Variants in MAP4K3 observed in about 807,000 individuals in gnomAD.
The protein encoded by MAP4K3 is MAPK/ERK kinase kinase kinase 3.
In MAP4K3, 94 loss-of-function variants were observed where a neutral mutation model predicts 143.5. The ratio of observed to expected loss-of-function variants is 0.65; its 90% confidence interval spans 0.55 to 0.78. The LOEUF is 0.78. MAP4K3 is among the 30% of genes least tolerant of loss of function. The pLI, the probability that MAP4K3 is intolerant of heterozygous loss-of-function variation, is 0.00. For synonymous variants in MAP4K3, 416 were observed against 347.2 expected (o/e 1.20, Z -2.20); for missense variants, 1,077 against 1,068.1 (o/e 1.01, Z -0.12).
chr2:39,263,296 G>A (rs1466813880), intron 28 of MAP4K3, among the ~76,000 whole-genome samples: 2 of 140,160 alleles, frequency 1.4e-5, no homozygotes, highest in African/African-American at 2.7e-5. Context: ...TTTTTGAGAC[G>A]GAGTCTCGCT....
At chr2:39,311,728 T>G (rs1682943801) in intron 13 of MAP4K3, among the ~76,000 whole-genome samples, 1 of 152,232 alleles carries the variant, frequency 6.6e-6, no homozygotes, top group South Asian at 2.1e-4. Context: ...AGTCAAACAT[T>G]CAGATGACTC....
chr2:39,261,709 T>TA (rs1680575223), intron 28 of MAP4K3, among the ~76,000 whole-genome samples: 1 of 152,024 alleles, frequency 6.6e-6, no homozygotes, highest in African/African-American at 2.4e-5. Flanking sequence ...ATTCACAAAA[T>TA]AAAAAATTAT....
At chr2:39,301,081 C>CATT (rs1682491943) in intron 15 of MAP4K3, among the ~76,000 whole-genome samples, 1 of 151,242 alleles carries the variant, frequency 6.6e-6, no homozygotes, top group Non-Finnish European at 1.5e-5. Flanking sequence ...TTAAGCAATA[C>CATT]ATTACATTTA....
At chr2:39,251,908 TA>T (rs1680168130) in intron 32 of MAP4K3, 23 bp from the exon 33 acceptor site, 1 of 1,583,658 alleles carries the variant, frequency 6.3e-7, no homozygotes, top group Non-Finnish European at 8.7e-7. Flanking sequence ...AACACAAATT[TA>T]ATTTCTGAAA....
chr2:39,276,754 GTTGTT>G (rs1220485404), intron 24 of MAP4K3, among the ~76,000 whole-genome samples: 1 of 152,176 alleles, frequency 6.6e-6, no homozygotes, highest in Non-Finnish European at 1.5e-5. Context: ...CAGTTTGTAG[GTTGTT>G]TTATGTTCCT....
intron 26 of MAP4K3, among the ~76,000 whole-genome samples, chr2:39,271,311 G>A (rs997101884): frequency 6.6e-5 from 10 of 152,018 alleles, no homozygotes; most frequent in East Asian, 3.9e-4. Context: ...TGGAAGAAAC[G>A]AACACAGCTA....
At chr2:39,313,725 C>A (rs1338898344) in intron 13 of MAP4K3, among the ~76,000 whole-genome samples, 1 of 152,134 alleles carries the variant, frequency 6.6e-6, no homozygotes, top group South Asian at 2.1e-4. Flanking sequence ...GTTGGTCAGG[C>A]TGGTCTCCAG....
chr2:39,316,508 T>C (rs192609664), intron 12 of MAP4K3, among the ~76,000 whole-genome samples: 5 of 152,176 alleles, frequency 3.3e-5, no homozygotes, highest in Admixed American at 1.3e-4. Context: ...ATTCAGATGG[T>C]TGGATATGAA....
At chr2:39,251,278 C>T (rs1321888851) in intron 33 of MAP4K3, among the ~76,000 whole-genome samples, 2 of 152,180 alleles carry the variant, frequency 1.3e-5, no homozygotes, top group East Asian at 3.8e-4. Flanking sequence ...GTCCTGCCCG[C>T]ATGATCAAAG....
At chr2:39,331,454 C>G (rs952600535) in intron 8 of MAP4K3, among the ~76,000 whole-genome samples, 3 of 152,026 alleles carry the variant, frequency 2.0e-5, no homozygotes, top group Non-Finnish European at 4.4e-5. Context: ...GAGGCCAGAT[C>G]ACAGAAGACT....
At chr2:39,306,831 T>C (rs1684669996) in intron 15 of MAP4K3, among the ~76,000 whole-genome samples, 1 of 152,214 alleles carries the variant, frequency 6.6e-6, no homozygotes, top group Non-Finnish European at 1.5e-5. Flanking sequence ...AGAAGCCAGA[T>C]AAGCCACATG....
chr2:39,304,394 G>A (rs1194874420), intron 15 of MAP4K3, among the ~76,000 whole-genome samples: 2 of 152,182 alleles, frequency 1.3e-5, no homozygotes, highest in Non-Finnish European at 2.9e-5. Flanking sequence ...AGACATTCTG[G>A]ATTCCTCAGG....
At chr2:39,410,590 A>G (rs1240624858) in intron 1 of MAP4K3, among the ~76,000 whole-genome samples, 1 of 152,214 alleles carries the variant, frequency 6.6e-6, no homozygotes, top group African/African-American at 2.4e-5. Flanking sequence ...TGCAGAAAGC[A>G]GTATTTCTCT....
At chr2:39,372,622 G>A (rs980158299) in intron 2 of MAP4K3, among the ~76,000 whole-genome samples, 3 of 152,036 alleles carry the variant, frequency 2.0e-5, no homozygotes, top group Non-Finnish European at 2.9e-5. Flanking sequence ...GGAGAACCCA[G>A]AAATAAATCC....
At chr2:39,268,039 T>C (rs1322208282) in intron 26 of MAP4K3, among the ~76,000 whole-genome samples, 1 of 152,188 alleles carries the variant, frequency 6.6e-6, no homozygotes, top group Non-Finnish European at 1.5e-5. Context: ...AAAAGCTGTC[T>C]TATTATAAAA....
chr2:39,337,983 G>C (rs1665022902), intron 4 of MAP4K3, among the ~76,000 whole-genome samples: 1 of 151,752 alleles, frequency 6.6e-6, no homozygotes, highest in East Asian at 1.9e-4. Flanking sequence ...GGCTGGTATT[G>C]AATTTCTGGG....
intron 1 of MAP4K3, among the ~76,000 whole-genome samples, chr2:39,392,594 CAG>C (rs1264506209): frequency 6.6e-6 from 1 of 152,176 alleles, no homozygotes; most frequent in African/African-American, 2.4e-5. Context: ...AAAATGTTTA[CAG>C]ACTCCATTAG....
chr2:39,344,467 C>T (rs1042555460), intron 3 of MAP4K3, among the ~76,000 whole-genome samples: 2 of 152,128 alleles, frequency 1.3e-5, no homozygotes, highest in African/African-American at 4.8e-5. Context: ...ATTTTAGTGC[C>T]AATAAATAGT....
At chr2:39,273,285 A>G (rs1034697636) in intron 24 of MAP4K3, among the ~76,000 whole-genome samples, 2 of 152,182 alleles carry the variant, frequency 1.3e-5, no homozygotes, top group South Asian at 2.1e-4. Context: ...ACCTGGGCAC[A>G]TGGTAGAAAT....
Sources: allele counts gnomAD v4.1 joint callset (sites outside exome capture counted in the v4.1 genomes callset), GRCh38; gene constraint gnomAD v4.1.1; transcripts MANE v1.5; gene names NCBI Gene and HGNC (gene_info 2026-07-23, HGNC 2026-07-21).